HLCS: variants seen among roughly 807,000 people sequenced by gnomAD.
HLCS encodes the protein biotin--protein ligase.
In HLCS, 53 loss-of-function variants were observed where a neutral mutation model predicts 75.0. The ratio of observed to expected loss-of-function variants is 0.71; its 90% CI spans 0.57 to 0.89. The LOEUF is 0.89. Ranked by LOEUF, HLCS falls within the 40% of genes least tolerant of loss-of-function variation. The pLI, the probability that HLCS is intolerant of heterozygous loss-of-function variation, is 0.00. For synonymous variants in HLCS, 431 were observed against 428.6 expected (o/e 1.01, Z -0.07); for missense variants, 966 against 1,074.0 (o/e 0.90, Z 1.41).
At chr21:36,758,015 G>A (rs1441443560) in intron 9 of HLCS, among the ~76,000 whole-genome samples, 1 of 152,184 alleles carries the variant, frequency 6.6e-6, no homozygotes, top group Non-Finnish European at 1.5e-5. Context: ...CCCAAAGTCA[G>A]AGACCCCATC....
At chr21:36,898,796 C>G (rs2146343135) in intron 5 of HLCS, among the ~76,000 whole-genome samples, 1 of 152,218 alleles carries the variant, frequency 6.6e-6, no homozygotes, top group South Asian at 2.1e-4. Flanking sequence ...CGCAGTGGCT[C>G]ACACCTGTAA....
chr21:36,837,082 C>T (rs188053607), intron 6 of HLCS, among the ~76,000 whole-genome samples: 72 of 152,282 alleles, frequency 4.7e-4, no homozygotes, highest in African/African-American at 1.7e-3. Flanking sequence ...ACTCTGGAGG[C>T]TGAGGCAGAA....
intron 5 of HLCS, among the ~76,000 whole-genome samples, chr21:36,906,068 AAC>A: frequency 6.6e-6 from 1 of 151,418 alleles, no homozygotes; most frequent in South Asian, 2.1e-4. Flanking sequence ...AAAAAAACAA[AAC>A]AAAAATTGGG....
chr21:36,977,902 C>T (rs2068985595), intron 1 of HLCS, among the ~76,000 whole-genome samples: 1 of 152,220 alleles, frequency 6.6e-6, no homozygotes, highest in African/African-American at 2.4e-5. Flanking sequence ...GCAGAGTGAA[C>T]AGGAAGGGAA....
intron 6 of HLCS, among the ~76,000 whole-genome samples, chr21:36,808,051 TAA>T (rs5843778): frequency 0.036 from 5,319 of 147,412 alleles, 224 homozygotes; most frequent in African/African-American, 0.11. Context: ...ATCTAGAAAA[TAA>T]AAAAAAAAAA....
At chr21:36,768,611 G>A (rs2090125433) in intron 6 of HLCS, among the ~76,000 whole-genome samples, 1 of 152,252 alleles carries the variant, frequency 6.6e-6, no homozygotes, top group Admixed American at 6.5e-5. Context: ...CAGGGGCTCA[G>A]CTGCTGAGAT....
intron 2 of HLCS, among the ~76,000 whole-genome samples, chr21:36,945,349 T>C (rs578043338): frequency 1.3e-5 from 2 of 152,184 alleles, no homozygotes; most frequent in South Asian, 2.1e-4. Flanking sequence ...ATAAAGCTTG[T>C]ATGCAGATGT....
rs1455840070 is a variant in HLCS at position 36,749,821 on chromosome 21, T to G, written c.*4425A>C. Reference sequence around the variant, plus strand: ...TTTGTGTCTACCTTGTTATTAACTTTTGGGGCTGTATTTAGTAAAAATAAA... The same window carrying G: ...TTTGTGTCTACCTTGTTATTAACTTGTGGGGCTGTATTTAGTAAAAATAAA... On this transcript the variant is annotated 3_prime_UTR_variant, in exon 11 of 11. Transcript: ENST00000674895. The G allele has an allele frequency of 6.6e-6, 1 of 152,248 alleles. No homozygotes were observed. The highest frequency in any genetic ancestry group is 6.5e-5 in the Admixed American group (1 of 15,288). The allele number at this position is 152,248 out of a possible 1,614,324, so 9.4% of individuals were successfully genotyped here. A position where few individuals can be genotyped will look rare whatever the true frequency, so the allele number is the denominator to read the frequency against.
rs2068588880 is a variant in HLCS at position 36,966,446 on chromosome 21, G to T, written c.193C>A (p.Gln65Lys). Residue 65 changes from glutamine to lysine, a missense_variant and splice_region_variant, in exon 1 of 11, where the codon CAG (glutamine) becomes AAG (lysine). Transcript: ENST00000674895. ...GCCCGCCCGCCCGACCCGCCCACCT[G>T]GCTGTCGCTGACGCAGAAGACGCGG... The part of the protein sequence containing the change: ...GGRVFCVSDS[Q>K]SIEDLNKWAL... 5.7e-5 allele frequency: 10 copies of T among 175,302 alleles called. No individual in the cohort carries two copies. In the Admixed American group the frequency reaches 7.6e-4, roughly 13 times the overall value. The allele number at this position is 175,302 out of a possible 1,614,324, so 10.9% of individuals were successfully genotyped here. A position where few individuals can be genotyped will look rare whatever the true frequency, so the allele number is the denominator to read the frequency against.
chr21:36,970,927 G>A (rs2068769442), upstream of HLCS, among the ~76,000 whole-genome samples: 1 of 150,344 alleles, frequency 6.7e-6, no homozygotes, highest in Non-Finnish European at 1.5e-5. Context: ...CCAGGAGGCG[G>A]AGCTTGTAGT....
Position 36,754,482 on chromosome 21 carries a change from G to A in HLCS, c.2451-65C>T, listed in dbSNP as rs778820827. ...ACAGGACGACTTAAGACAATGAGCT[G>A]AAGAATAATCCATGATGAGAGAGCT... On this transcript the variant is annotated intron_variant, in intron 10 of 10. Coordinates refer to ENST00000674895, the MANE Select transcript of HLCS (RefSeq NM_001352514.2). 359 of 1,519,376 alleles carry A rather than the reference G, an allele frequency of 2.4e-4. 1 individual carries two copies. Among genetic ancestry groups the A allele is most frequent in the Non-Finnish European group, 3.0e-4 (335 of 1,115,618 alleles). The allele number at this position is 1,519,376 out of a possible 1,614,324, so 94.1% of individuals were successfully genotyped here.
At chr21:36,860,527 C>T (rs2063350593) in intron 6 of HLCS, among the ~76,000 whole-genome samples, 1 of 152,158 alleles carries the variant, frequency 6.6e-6, no homozygotes, top group Non-Finnish European at 1.5e-5. Flanking sequence ...TTAATTATTA[C>T]TTTTAATTGA....
At chr21:36,947,231 A>C (rs955727195) in intron 2 of HLCS, 1 of 467,794 alleles carries the variant, frequency 2.1e-6, no homozygotes, top group Non-Finnish European at 2.8e-6. Flanking sequence ...AAGAGGAATG[A>C]GGCAGGAGAT....
At chr21:36,892,927 A>T (rs1426481385) in intron 6 of HLCS, among the ~76,000 whole-genome samples, 2 of 152,148 alleles carry the variant, frequency 1.3e-5, no homozygotes, top group African/African-American at 2.4e-5. Flanking sequence ...TAGTTCTGAA[A>T]ATTCTTCTTG....
chr21:36,826,573 A>G (rs1371603204), intron 6 of HLCS, among the ~76,000 whole-genome samples: 1 of 152,222 alleles, frequency 6.6e-6, no homozygotes, highest in African/African-American at 2.4e-5. Flanking sequence ...CAGATGTCCT[A>G]GAACTGCTAC....
intron 2 of HLCS, among the ~76,000 whole-genome samples, chr21:36,951,163 C>T (rs971367353): frequency 3.9e-5 from 6 of 152,202 alleles, no homozygotes; most frequent in Admixed American, 1.3e-4. Context: ...GCCTATGAGC[C>T]TCTCTATTCT....
At chr21:36,876,042 T>C (rs2063962241) in intron 6 of HLCS, among the ~76,000 whole-genome samples, 1 of 152,112 alleles carries the variant, frequency 6.6e-6, no homozygotes. Context: ...GCAGCACCCG[T>C]GCCAGGGCAT....
chr21:36,971,547 G>A (rs73901981), upstream of HLCS, among the ~76,000 whole-genome samples: 929 of 152,156 alleles, frequency 6.1e-3, 10 homozygotes, highest in African/African-American at 0.021. Context: ...TTCAAGAGCC[G>A]GCTGGGCGCG....
intron 6 of HLCS, among the ~76,000 whole-genome samples, chr21:36,894,733 C>T (rs751754988): frequency 6.6e-6 from 1 of 152,156 alleles, no homozygotes; most frequent in African/African-American, 2.4e-5. Context: ...TATTTTTCCC[C>T]TTTGTAAAAG....
Sources: gnomAD v4.1 joint callset for allele counts (sites outside exome capture counted in the v4.1 genomes callset) on GRCh38, gnomAD v4.1.1 for gene constraint, MANE v1.5 for transcripts, NCBI Gene and HGNC (gene_info 2026-07-23, HGNC 2026-07-21) for gene names.